MAP4K5: variants seen among roughly 807,000 people sequenced by gnomAD.
MAP4K5 encodes MAPK/ERK kinase kinase kinase 5.
MAP4K5 carries 82 observed loss-of-function variants against 135.6 expected under a neutral mutation model. The observed-to-expected ratio is 0.60, with a 90% CI of 0.51 to 0.73. The LOEUF (loss-of-function observed/expected upper bound fraction) is 0.73. MAP4K5 is among the 30% of genes least tolerant of loss of function. MAP4K5 has a pLI of 0.00. For missense variants in MAP4K5, 907 were observed against 1,010.9 expected (o/e 0.90, Z 1.39); for synonymous variants, 347 against 335.0 (o/e 1.04, Z -0.39).
chr14:50,538,869 C>T (rs775981909), intron 2 of MAP4K5, among the ~76,000 whole-genome samples: 14 of 152,182 alleles, frequency 9.2e-5, no homozygotes, highest in Non-Finnish European at 2.1e-4. Context: ...AATGCAGTGG[C>T]TATTAACAAG....
intron 1 of MAP4K5, among the ~76,000 whole-genome samples, chr14:50,552,664 G>A (rs769541890): frequency 3.3e-5 from 5 of 152,126 alleles, no homozygotes; most frequent in Non-Finnish European, 7.4e-5. Flanking sequence ...ATAAAAATAG[G>A]CATGTAGACC....
chr14:50,437,469 T>A lies in MAP4K5; in HGVS notation c.1882+7A>T. ...ACCATTCAGTTTGAGAAATACCATTTACTCACCTATGCAACATTTGTGGCA... is the reference window on the plus strand; with the variant it reads ...ACCATTCAGTTTGAGAAATACCATTAACTCACCTATGCAACATTTGTGGCA... On this transcript the variant is annotated splice_region_variant and intron_variant, in intron 26 of 32. Transcript: ENST00000682126. The A allele has an allele frequency of 6.3e-7, 1 of 1,590,690 alleles. No individual in the cohort carries two copies. The highest frequency in any genetic ancestry group is 8.6e-7 in the Non-Finnish European group (1 of 1,167,886).
chr14:50,487,951 T>C (rs1350852763), intron 3 of MAP4K5, among the ~76,000 whole-genome samples: 1 of 152,154 alleles, frequency 6.6e-6, no homozygotes, highest in Non-Finnish European at 1.5e-5. Context: ...AAAACATGAA[T>C]TACAAAGAAG....
chr14:50,453,965 C>A (rs894670969), intron 14 of MAP4K5, among the ~76,000 whole-genome samples: 1 of 151,984 alleles, frequency 6.6e-6, no homozygotes, highest in Non-Finnish European at 1.5e-5. Context: ...TCATTTATGT[C>A]CACTAAAAAT....
intron 2 of MAP4K5, among the ~76,000 whole-genome samples, chr14:50,513,922 T>C (rs569075845): frequency 3.9e-5 from 6 of 152,204 alleles, no homozygotes; most frequent in Non-Finnish European, 7.3e-5. Context: ...GAACATGATC[T>C]ACAATACAAA....
rs1212324623 is a variant in MAP4K5, at chr14:50,558,520, A to AT, written c.-180+2519dup. On this transcript the variant is annotated intron_variant, in intron 1 of 8. Coordinates refer to the MAP4K5 transcript ENST00000555216. ...CATACAGAGAGCTATTTATTTAAGC[A>AT]TTTTTTTGTGATTCACACAGTCTCA... is the stretch of plus-strand genomic sequence containing the variant. 1.1e-4 allele frequency among the ~76,000 whole-genome samples: 16 copies of AT among 152,314 alleles called. No individual in the cohort carries two copies. The East Asian group carries it at 1.9e-3, about 18-fold the overall frequency.
At chr14:50,477,313 T>C (rs1273011818) in intron 6 of MAP4K5, among the ~76,000 whole-genome samples, 5 of 152,216 alleles carry the variant, frequency 3.3e-5, no homozygotes, top group South Asian at 2.1e-4. Context: ...TTTTTGTACA[T>C]TGATAGTGAA....
chr14:50,460,943 T>C (rs1002568100), intron 13 of MAP4K5, among the ~76,000 whole-genome samples: 1 of 152,218 alleles, frequency 6.6e-6, no homozygotes. Context: ...ACTGTTTTGA[T>C]ATTAGATGAG....
intron 1 of MAP4K5, among the ~76,000 whole-genome samples, chr14:50,557,210 G>A (rs2038775270): frequency 6.6e-6 from 1 of 152,196 alleles, no homozygotes; most frequent in African/African-American, 2.4e-5. Context: ...TCTGGAGAAT[G>A]TGAAACATTA....
intron 6 of MAP4K5, among the ~76,000 whole-genome samples, chr14:50,481,307 A>T (rs1294692704): frequency 6.7e-6 from 1 of 149,738 alleles, no homozygotes; most frequent in Non-Finnish European, 1.5e-5. Context: ...TATATATATA[A>T]ATATATATAT....
chr14:50,429,306 G>T, intron 28 of MAP4K5, 46 bp from the exon 29 acceptor site: 1 of 1,151,546 alleles, frequency 8.7e-7, no homozygotes, highest in South Asian at 1.4e-5. Flanking sequence ...TTAAAACCTA[G>T]AGCCTAGAAA....
chr14:50,529,828 C>T (rs760758337), intron 2 of MAP4K5, among the ~76,000 whole-genome samples: 20 of 152,000 alleles, frequency 1.3e-4, no homozygotes, highest in Non-Finnish European at 2.9e-5. Flanking sequence ...AGATGCTTAT[C>T]ATGTTTAAGG....
At chr14:50,515,438 T>C (rs1334834766) in intron 2 of MAP4K5, among the ~76,000 whole-genome samples, 1 of 152,144 alleles carries the variant, frequency 6.6e-6, no homozygotes, top group Admixed American at 6.6e-5. Flanking sequence ...GCCAATGCAT[T>C]TCTCCATGAC....
At chr14:50,494,157 T>C (rs568421885) in intron 3 of MAP4K5, among the ~76,000 whole-genome samples, 12 of 151,628 alleles carry the variant, frequency 7.9e-5, no homozygotes, top group Non-Finnish European at 1.3e-4. Context: ...TTTAATATTA[T>C]TATTATTATT....
chr14:50,480,582 T>C (rs748424532), intron 6 of MAP4K5, among the ~76,000 whole-genome samples: 4 of 152,164 alleles, frequency 2.6e-5, no homozygotes, highest in Non-Finnish European at 4.4e-5. Flanking sequence ...CCCGGCTTAT[T>C]TCACATAACA....
intron 11 of MAP4K5, among the ~76,000 whole-genome samples, chr14:50,464,899 G>A (rs1013231684): frequency 1.3e-5 from 2 of 152,132 alleles, no homozygotes; most frequent in African/African-American, 4.8e-5. Flanking sequence ...TTCTCCAATG[G>A]TAATAACTGC....
chr14:50,486,954 A>G (rs1342071966), intron 3 of MAP4K5, among the ~76,000 whole-genome samples: 1 of 152,212 alleles, frequency 6.6e-6, no homozygotes, highest in South Asian at 2.1e-4. Flanking sequence ...ATACAAGGCC[A>G]AGAAGGAAAA....
chr14:50,546,365 G>GGTGTGT (rs143447484), intron 1 of MAP4K5, among the ~76,000 whole-genome samples: 3 of 150,756 alleles, frequency 2.0e-5, no homozygotes, highest in African/African-American at 4.9e-5. Flanking sequence ...AAAGGTACTG[G>GGTGTGT]GTGTGTGTGT....
intron 21 of MAP4K5, 81 bp downstream of exon 21, chr14:50,442,647 TAAAC>T (rs1398115174): frequency 1.0e-6 from 1 of 966,594 alleles, no homozygotes; most frequent in Middle Eastern, 2.1e-4. Flanking sequence ...ATTTTTAAAA[TAAAC>T]AACTTCAAGT....
Sources: gnomAD v4.1 joint callset for allele counts (sites outside exome capture counted in the v4.1 genomes callset) on GRCh38, gnomAD v4.1.1 for gene constraint, MANE v1.5 for transcripts, NCBI Gene and HGNC (gene_info 2026-07-23, HGNC 2026-07-21) for gene names.